ARHGAP27: variants seen among roughly 807,000 people sequenced by gnomAD.
ARHGAP27 encodes rho GTPase-activating protein 27.
ARHGAP27 carries 53 observed loss-of-function variants against 102.0 expected under a neutral mutation model. The observed-to-expected ratio is 0.52, with a 90% CI of 0.42 to 0.65. The LOEUF (loss-of-function observed/expected upper bound fraction) is 0.65. Among genes scored for constraint, ARHGAP27 ranks in the 30% least tolerant of loss-of-function variants. The pLI is 0.00. For missense variants in ARHGAP27, 1,117 were observed against 1,256.2 expected (o/e 0.89, Z 1.68); for synonymous variants, 525 against 542.8 (o/e 0.97, Z 0.46).
chr17:45,397,311 C>T, intron 13 of ARHGAP27: 2 of 1,315,678 alleles, frequency 1.5e-6, no homozygotes, highest in Non-Finnish European at 1.9e-6. Context: ...CCTTCTTTCT[C>T]TATTTTCCTC....
At chr17:45,432,040 G>C (rs1011565908) in intron 2 of ARHGAP27, among the ~76,000 whole-genome samples, 176 bp downstream of exon 2, 1 of 124,644 alleles carries the variant, frequency 8.0e-6, no homozygotes, top group Non-Finnish European at 1.5e-5. Flanking sequence ...GGGATTTGCT[G>C]TCCGGGAGTG....
At chr17:45,423,210 A>G (rs1184134619) in intron 4 of ARHGAP27, among the ~76,000 whole-genome samples, 3 of 152,080 alleles carry the variant, frequency 2.0e-5, no homozygotes, top group Non-Finnish European at 4.4e-5. Flanking sequence ...GAAAATACGC[A>G]TTTTTCTTAT....
At position 45,394,520 on chromosome 17, in the gene ARHGAP27, G is replaced by C. The variant is rs1349396555; in HGVS notation, c.*936C>G. ...GGACAGTTTCCCTCTTTGCCTTCAGGGGCCTCCCCAGGTCCAGACAGAACA... is the reference window on the plus strand; with the variant it reads ...GGACAGTTTCCCTCTTTGCCTTCAGCGGCCTCCCCAGGTCCAGACAGAACA... On this transcript the variant is annotated 3_prime_UTR_variant, in exon 20 of 20. Transcript: ENST00000685559. The C allele has an allele frequency of 6.6e-6, 1 of 152,300 alleles. No homozygotes were observed. The highest frequency in any genetic ancestry group is 1.9e-4 in the East Asian group (1 of 5,190). 9.4% of individuals were successfully genotyped at this position (152,300 alleles called of 1,614,324 possible). A position where few individuals can be genotyped will look rare whatever the true frequency, so the allele number is the denominator to read the frequency against.
rs1567687251 is a variant in ARHGAP27, at chr17:45,396,223, G to C, written c.2235C>G (p.Arg745=). 3 of 1,613,308 alleles carry C rather than the reference G, an allele frequency of 1.9e-6. No individual in the cohort carries two copies. Among genetic ancestry groups the C allele is most frequent in the Non-Finnish European group, 2.5e-6 (3 of 1,179,528 alleles). ...GGGCCTCACCGTGGTCCACCTTATA[G>C]CGTAGCTTCTGGATGGTGGCCAGGT... The part of the protein sequence containing the change: ...SGNLATIQKL[R]YKVDHDERLD... The change falls in exon 17 of 20, where the codon CGC becomes CGG. Residue 745 remains arginine (R), a synonymous_variant. Coordinates refer to ENST00000685559, the MANE Select transcript of ARHGAP27 (RefSeq NM_001282290.2).
At chr17:45,416,109 G>C (rs1480267508) in intron 4 of ARHGAP27, among the ~76,000 whole-genome samples, 3 of 150,732 alleles carry the variant, frequency 2.0e-5, no homozygotes, top group Admixed American at 1.3e-4. Context: ...GCAGTGGCAT[G>C]ATCTCGGCTC....
chr17:45,396,020 G>A lies in ARHGAP27; in HGVS notation c.2349C>T (p.Phe783=), dbSNP rs1408667104. ...LFFRELPEPL[F]PFSHFRQFIA... Reference sequence around the variant, plus strand: ...TGAACTGGCGGAAGTGCGAGAAGGGGAAGAGGGGCTCGGGCAGCTCCCGAA... The same window carrying A: ...TGAACTGGCGGAAGTGCGAGAAGGGAAAGAGGGGCTCGGGCAGCTCCCGAA... The change falls in exon 18 of 20, where the codon TTC becomes TTT. Residue 783 remains phenylalanine (F), a synonymous_variant. Transcript: ENST00000685559. 3.1e-6 allele frequency: 5 copies of A among 1,613,722 alleles called. No homozygotes were observed. The African/African-American group carries it at 4.0e-5, about 13-fold the overall frequency.
intron 2 of ARHGAP27, 61 bp from the exon 3 acceptor site, chr17:45,431,813 C>G (rs1422067555): frequency 5.8e-6 from 1 of 173,688 alleles, no homozygotes; most frequent in African/African-American, 2.4e-5. Context: ...ATACCCAAAG[C>G]AGCCGTGTCT....
intron 4 of ARHGAP27, 32 bp from the exon 5 acceptor site, chr17:45,406,115 T>G: frequency 6.7e-7 from 1 of 1,483,310 alleles, no homozygotes; most frequent in African/African-American, 1.4e-5. Flanking sequence ...ATTTTGTGTT[T>G]TCAGAAACCT....
rs144056287 is a variant in ARHGAP27, at chr17:45,430,566, T to C, written c.-18-269A>G. Among the ~76,000 whole-genome samples the C allele has an allele frequency of 9.5e-3, 1,439 of 152,206 alleles. 16 individuals carry two copies. Among genetic ancestry groups the C allele is most frequent in the African/African-American group, 0.032 (1,331 of 41,516 alleles). ...TTGCTTCAGTCCTGCGGTGGGGAGA[T>C]TGTGGGTAGTCTTGGTCCAAATCGA... On this transcript the variant is annotated intron_variant, in intron 3 of 19. Transcript: ENST00000685559. The surrounding 1 kb of genome is among the most constrained non-coding windows in gnomAD (Gnocchi z 4.4).
In ARHGAP27 at chr17:45,427,534, T is replaced by C. The variant is rs1413165763; in HGVS notation, c.657+2089A>G. The stretch of plus-strand genomic sequence containing the variant: ...AGGATCATGGTGGGGAAACTCTGCC[T>C]GGGACAACTAAGAGCAGGGATGGGG... On this transcript the variant is annotated intron_variant, in intron 4 of 19. Transcript: ENST00000685559. This position sits in a 1 kb window ranked among gnomAD's most constrained non-coding sequence, Gnocchi z 4.5. Among the ~76,000 whole-genome samples the C allele has an allele frequency of 4.6e-5, 7 of 152,208 alleles. No individual in the cohort carries two copies. The highest frequency in any genetic ancestry group is 7.4e-5 in the Non-Finnish European group (5 of 68,018).
chr17:45,404,269 C>A lies in ARHGAP27; in HGVS notation c.1479G>T (p.Arg493Ser), dbSNP rs921296351. ...EEVSPATAAV[R>S]TKTLDKAGVL... ...GCTGGGGGTAGGGGGTGATGCCTACCCTCACAGCAGCTGTGGCAGGAGAGA... is the reference window on the plus strand; with the variant it reads ...GCTGGGGGTAGGGGGTGATGCCTACACTCACAGCAGCTGTGGCAGGAGAGA... Residue 493 changes from arginine to serine, a missense_variant and splice_region_variant, in exon 9 of 20, where the codon AGG becomes AGT. Physicochemically the swap from Arg to Ser is moderately radical, Grantham distance 110 (BLOSUM62 -1). This residue lies in a region of ARHGAP27 where 610 missense variants were observed against 716.4 expected (regional missense o/e 0.85). Transcript: ENST00000685559. The A allele has an allele frequency of 6.2e-7, 1 of 1,613,932 alleles. No individual in the cohort carries two copies. The highest frequency in any genetic ancestry group is 8.5e-7 in the Non-Finnish European group (1 of 1,179,954).
chr17:45,429,232 T>G, intron 4 of ARHGAP27: 4 of 458,796 alleles, frequency 8.7e-6, no homozygotes, highest in Non-Finnish European at 1.1e-5. Context: ...CTGCAGTAGG[T>G]TATATAACCT....
rs750835884 is a variant in ARHGAP27 at position 45,405,714 on chromosome 17, G to A, written c.1027C>T (p.Gln343Ter). 1.2e-6 allele frequency: 2 copies of A among 1,603,554 alleles called. No individual in the cohort carries two copies. Among genetic ancestry groups the A allele is most frequent in the Non-Finnish European group, 1.7e-6 (2 of 1,179,262 alleles). The change falls in exon 5 of 20, where the codon CAG (glutamine) becomes TAG (stop). Residue 343 changes from glutamine (Q) to a stop codon, truncating the protein, a stop_gained. Transcript: ENST00000685559. LOFTEE classifies it high-confidence loss of function. The stretch of plus-strand genomic sequence containing the variant: ...GGGCTGCCAGGGCTCAGGCCCGGCT[G>A]CATCTCCAACTCCTCCTCGGGCTCG... ...ENEPEEELEM[Q>*]PGLSPGSPGD...
chr17:45,432,263 C>G lies in ARHGAP27; in HGVS notation c.-198G>C, dbSNP rs1230487477. 1 of 155,912 alleles carries G rather than the reference C, an allele frequency of 6.4e-6. No individual in the cohort carries two copies. The highest frequency in any genetic ancestry group is 1.9e-4 in the East Asian group (1 of 5,184). 9.7% of individuals were successfully genotyped at this position (155,912 alleles called of 1,614,324 possible). On this transcript the variant is annotated 5_prime_UTR_variant, in exon 2 of 20. Coordinates refer to ENST00000685559, the MANE Select transcript of ARHGAP27 (RefSeq NM_001282290.2). ...CGGCCGGGCCTGGAAAAACTCCGAGCGGGATTCCCAGCGCAGGGACGCCCA... is the reference window on the plus strand; with the variant it reads ...CGGCCGGGCCTGGAAAAACTCCGAGGGGGATTCCCAGCGCAGGGACGCCCA...
intron 12 of ARHGAP27, among the ~76,000 whole-genome samples, chr17:45,398,344 G>C (rs1346444444): frequency 6.6e-6 from 1 of 152,164 alleles, no homozygotes. Flanking sequence ...TGGCTCAATT[G>C]TCTGGTACAC....
chr17:45,403,553 A>AAAAAAT (rs1188779080), intron 11 of ARHGAP27, 66 bp downstream of exon 11: 8 of 1,381,190 alleles, frequency 5.8e-6, no homozygotes, highest in Admixed American at 2.1e-5. Context: ...TCCGTCTCAA[A>AAAAAAT]AAAAATAAAA....
At chr17:45,429,373 C>T in intron 4 of ARHGAP27, 3 of 1,333,392 alleles carry the variant, frequency 2.2e-6, no homozygotes, top group Non-Finnish European at 2.9e-6. Flanking sequence ...GCAATTTTGC[C>T]ACCAATTGGA....
intron 4 of ARHGAP27, among the ~76,000 whole-genome samples, chr17:45,424,259 C>T (rs2049328066): frequency 6.6e-6 from 1 of 152,236 alleles, no homozygotes; most frequent in Admixed American, 6.5e-5. Flanking sequence ...AATCCTTCTG[C>T]AATCTGGAAA....
intron 4 of ARHGAP27, among the ~76,000 whole-genome samples, chr17:45,414,765 AAAG>A (rs2048275779): frequency 3.3e-5 from 5 of 149,328 alleles, no homozygotes; most frequent in Admixed American, 3.3e-4. Context: ...TCCATCTTAA[AAAG>A]AAAATGTTGA....
Sources: allele counts gnomAD v4.1 joint callset (sites outside exome capture counted in the v4.1 genomes callset), GRCh38; gene constraint gnomAD v4.1.1; regional missense constraint gnomAD v4.1.1; non-coding constraint Gnocchi (gnomAD v3.1); transcripts MANE v1.5; gene names NCBI Gene and HGNC (gene_info 2026-07-23, HGNC 2026-07-21).